TUSC3: variants seen among roughly 807,000 people sequenced by gnomAD.
TUSC3 encodes dolichyl-diphosphooligosaccharide--protein glycosyltransferase subunit TUSC3.
TUSC3 carries 45 observed loss-of-function variants against 44.8 expected under a neutral mutation model. The observed-to-expected ratio is 1.00, with a 90% CI of 0.79 to 1.29. The LOEUF is 1.29. Ranked by LOEUF, TUSC3 falls within the 50% of genes most tolerant of loss-of-function variation. The probability of loss-of-function intolerance (pLI) is 0.00; values close to 1 mark genes in which losing one functional copy is unlikely to be tolerated. For missense variants in TUSC3, 519 were observed against 437.9 expected (o/e 1.19, Z -1.65); for synonymous variants, 212 against 152.9 (o/e 1.39, Z -2.85).
rs183830784 is a variant in TUSC3, at chr8:15,512,423, A to G, written n.189+28940A>G. ...AGTCTCCTGTCTGCTAGTCTACTCCATCAGATTTTGGACTGCCCAACCCTC... is the reference window on the plus strand; with the variant it reads ...AGTCTCCTGTCTGCTAGTCTACTCCGTCAGATTTTGGACTGCCCAACCCTC... On this transcript the variant is annotated intron_variant and non_coding_transcript_variant, in intron 2 of 5. Coordinates refer to the TUSC3 transcript ENST00000503191. Among the ~76,000 whole-genome samples the G allele has an allele frequency of 5.8e-4, 88 of 152,254 alleles. No individual in the cohort carries two copies. In the East Asian group the frequency reaches 0.012, roughly 21 times the overall value.
At chr8:15,641,224 G>A (rs1006825428) in intron 2 of TUSC3, among the ~76,000 whole-genome samples, 9 of 152,172 alleles carry the variant, frequency 5.9e-5, no homozygotes, top group Admixed American at 2.6e-4. Flanking sequence ...AGCTGGGCGC[G>A]GTGGCACTCG....
chr8:15,512,883 T>TATATATATATATAC (rs1563270845), intron 2 of TUSC3, among the ~76,000 whole-genome samples: 1 of 143,822 alleles, frequency 7.0e-6, no homozygotes, highest in African/African-American at 2.6e-5. Flanking sequence ...TATATATATA[T>TATATATATATATAC]ATACACACAA....
At chr8:15,672,381 T>G (rs354515) in intron 5 of TUSC3, among the ~76,000 whole-genome samples, 55,048 of 150,794 alleles carry the variant, frequency 0.37, 10,216 homozygotes, top group African/African-American at 0.44. Flanking sequence ...ACTTGCTCAA[T>G]GTTTAAATGC....
intron 6 of TUSC3, among the ~76,000 whole-genome samples, chr8:15,682,796 C>T (rs906562611): frequency 2.0e-5 from 3 of 148,404 alleles, no homozygotes; most frequent in Non-Finnish European, 4.5e-5. Flanking sequence ...CTTTTGTTTC[C>T]ATGTCTAGAA....
At chr8:15,474,684 G>A (rs924770801) in intron 1 of TUSC3, among the ~76,000 whole-genome samples, 9 of 152,040 alleles carry the variant, frequency 5.9e-5, no homozygotes, top group African/African-American at 7.2e-5. Flanking sequence ...AAGTTAATAC[G>A]TATATTTGTT....
intron 6 of TUSC3, among the ~76,000 whole-genome samples, chr8:15,682,633 A>G (rs1022008803): frequency 6.6e-6 from 1 of 152,012 alleles, no homozygotes; most frequent in Non-Finnish European, 1.5e-5. Context: ...GAGCATTTAG[A>G]CTGTTTACAT....
At chr8:15,820,405 A>C in the TUSC3 span, among the ~76,000 whole-genome samples, 1 of 148,340 alleles carries the variant, frequency 6.7e-6, no homozygotes, top group Non-Finnish European at 1.5e-5. Context: ...TCCACTTACC[A>C]GGTTCAAGCG....
At chr8:15,556,672 C>G (rs1802278209) in intron 1 of TUSC3, among the ~76,000 whole-genome samples, 1 of 146,562 alleles carries the variant, frequency 6.8e-6, no homozygotes, top group South Asian at 2.3e-4. Flanking sequence ...CCTGTTGTTT[C>G]CTGACTTTTT....
intron 1 of TUSC3, among the ~76,000 whole-genome samples, chr8:15,438,926 G>A (rs1044174060): frequency 1.3e-5 from 2 of 152,142 alleles, no homozygotes; most frequent in Admixed American, 6.5e-5. Context: ...ATTTAAAATG[G>A]TGTGGTCGCA....
chr8:15,773,062 T>G, the TUSC3 span, among the ~76,000 whole-genome samples: 2 of 142,376 alleles, frequency 1.4e-5, no homozygotes, highest in African/African-American at 5.2e-5. Flanking sequence ...ACTTTCCCCC[T>G]GAAATCAGGG....
At chr8:15,562,295 A>G (rs1802505909) in intron 1 of TUSC3, among the ~76,000 whole-genome samples, 1 of 152,112 alleles carries the variant, frequency 6.6e-6, no homozygotes, top group African/African-American at 2.4e-5. Context: ...GTTCTAAAAA[A>G]TCTTATTTCT....
At chr8:15,688,094 T>A (rs1465776408) in intron 6 of TUSC3, among the ~76,000 whole-genome samples, 3 of 152,112 alleles carry the variant, frequency 2.0e-5, no homozygotes, top group Non-Finnish European at 4.4e-5. Flanking sequence ...TTCTTTAATT[T>A]TTTTCCTATT....
In TUSC3 at chr8:15,543,754, C is replaced by G. The variant is rs536458972; in HGVS notation, c.138+3186C>G. On this transcript the variant is annotated intron_variant, in intron 1 of 10. Coordinates refer to ENST00000503731, the MANE Select transcript of TUSC3 (RefSeq NM_006765.4). Reference sequence around the variant, plus strand: ...TTTTTGAATTGGTTTTTTTTTTTTGCTAAAGAAACTAACTTTATAATAATA... The same window carrying G: ...TTTTTGAATTGGTTTTTTTTTTTTGGTAAAGAAACTAACTTTATAATAATA... Among the ~76,000 whole-genome samples, 3 of 139,092 alleles carry G rather than the reference C, an allele frequency of 2.2e-5. No individual in the cohort carries two copies. The South Asian group carries it at 6.8e-4, about 31-fold the overall frequency. 91.2% of individuals were successfully genotyped at this position (139,092 alleles called of 152,430 possible).
the TUSC3 span, among the ~76,000 whole-genome samples, chr8:15,848,725 G>T: frequency 9.2e-5 from 14 of 152,160 alleles, no homozygotes; most frequent in Non-Finnish European, 1.6e-4. Flanking sequence ...AGTGAGACTG[G>T]AGTCCAGAAT....
intron 1 of TUSC3, among the ~76,000 whole-genome samples, chr8:15,549,816 A>G (rs1201306431): frequency 1.3e-5 from 2 of 151,624 alleles, no homozygotes; most frequent in Non-Finnish European, 2.9e-5. Flanking sequence ...TGGCTGAATC[A>G]AGGTTGAATA....
At chr8:15,605,109 C>G (rs1033785661) in intron 1 of TUSC3, among the ~76,000 whole-genome samples, 2 of 151,686 alleles carry the variant, frequency 1.3e-5, no homozygotes, top group African/African-American at 4.8e-5. Context: ...AATGAAACAT[C>G]CTCATTTTCT....
chr8:15,547,366 T>C (rs1037365203), intron 1 of TUSC3, among the ~76,000 whole-genome samples: 10 of 151,724 alleles, frequency 6.6e-5, no homozygotes, highest in Non-Finnish European at 1.2e-4. Context: ...CAGCAAACCA[T>C]TGCCAAGTTA....
upstream of TUSC3, among the ~76,000 whole-genome samples, chr8:15,539,512 G>A (rs1320977929): frequency 1.3e-5 from 2 of 151,366 alleles, no homozygotes; most frequent in Non-Finnish European, 1.5e-5. Context: ...CACCATGCCC[G>A]GCTACTTTTT....
intron 5 of TUSC3, 140 bp downstream of exon 5, chr8:15,662,436 ATTTAGT>A: frequency 2.5e-6 from 3 of 1,222,750 alleles, no homozygotes; most frequent in Non-Finnish European, 3.5e-6. Context: ...AACTTGGATA[ATTTAGT>A]TTGAGTTTTC....
Sources: allele counts gnomAD v4.1 joint callset (sites outside exome capture counted in the v4.1 genomes callset), GRCh38; gene constraint gnomAD v4.1.1; transcripts MANE v1.5; gene names NCBI Gene and HGNC (gene_info 2026-07-23, HGNC 2026-07-21).